Variants in DENND1A observed in about 807,000 individuals in gnomAD.
DENND1A encodes DENN domain-containing protein 1A.
A neutral mutation model predicts 113.7 loss-of-function variants in DENND1A; 51 were observed. The observed-to-expected ratio is 0.45, with a 90% CI of 0.36 to 0.57. The LOEUF is 0.57. Ranked by LOEUF, DENND1A falls within the 20% of genes least tolerant of loss-of-function variation. DENND1A has a pLI of 0.00. For missense variants in DENND1A, 1,258 were observed against 1,395.9 expected, an observed-to-expected ratio of 0.90 and a Z score of 1.57; for synonymous variants, 565 against 570.8, an observed-to-expected ratio of 0.99 and a Z score of 0.14.
At chr9:123,664,489 T>C (rs1288038414) in intron 8 of DENND1A, among the ~76,000 whole-genome samples, 2 of 151,968 alleles carry the variant, frequency 1.3e-5, no homozygotes, top group Non-Finnish European at 2.9e-5. Context: ...TTTCTAGTTT[T>C]GGTTATTTAT....
intron 12 of DENND1A, among the ~76,000 whole-genome samples, chr9:123,576,957 G>C (rs1165078551): frequency 6.6e-6 from 1 of 151,722 alleles, no homozygotes; most frequent in Non-Finnish European, 1.5e-5. Context: ...TCTTTGTGTG[G>C]TTTTGTTTGG....
At chr9:123,743,376 G>C (rs948692276) in intron 5 of DENND1A, among the ~76,000 whole-genome samples, 1 of 151,784 alleles carries the variant, frequency 6.6e-6, no homozygotes, top group Non-Finnish European at 1.5e-5. Context: ...ACTCCAGCCT[G>C]AGCGATGGAG....
intron 2 of DENND1A, among the ~76,000 whole-genome samples, chr9:123,843,882 T>C (rs144843779): frequency 6.6e-6 from 1 of 152,276 alleles, no homozygotes; most frequent in Non-Finnish European, 1.5e-5. Flanking sequence ...TACGATAGAA[T>C]TTTTAAAAAC....
intron 5 of DENND1A, among the ~76,000 whole-genome samples, chr9:123,686,951 A>G (rs1480246039): frequency 6.6e-6 from 1 of 152,190 alleles, no homozygotes; most frequent in Non-Finnish European, 1.5e-5. Context: ...ATTCAATCGC[A>G]AATCTCTCTA....
intron 13 of DENND1A, among the ~76,000 whole-genome samples, chr9:123,546,248 C>T (rs936691009): frequency 2.6e-5 from 4 of 152,018 alleles, no homozygotes; most frequent in African/African-American, 7.3e-5. Context: ...GCAGCTGATA[C>T]GTTTTAAAAC....
intron 10 of DENND1A, among the ~76,000 whole-genome samples, chr9:123,614,096 A>T (rs997798333): frequency 1.3e-5 from 2 of 152,212 alleles, no homozygotes; most frequent in Non-Finnish European, 2.9e-5. Context: ...ATAATGCTCA[A>T]GGGAACTCTG....
At chr9:123,724,309 A>G (rs980980395) in intron 5 of DENND1A, among the ~76,000 whole-genome samples, 2 of 152,184 alleles carry the variant, frequency 1.3e-5, no homozygotes, top group African/African-American at 2.4e-5. Context: ...ATCAGCTTCT[A>G]AAACCACACA....
At chr9:123,428,670 A>G (rs1356274234) in intron 19 of DENND1A, among the ~76,000 whole-genome samples, 1 of 152,364 alleles carries the variant, frequency 6.6e-6, no homozygotes, top group East Asian at 1.9e-4. Context: ...CTCAGCCCAA[A>G]AGCTTCTTAA....
rs147867311 is a variant in DENND1A, at chr9:123,675,672, C to T, written c.372+1048G>A. Reference sequence around the variant, plus strand: ...CAACTCATTAATAATCAAAGAAATGCAATTAAAACAATGAGACTTTTTTAC... The same window carrying T: ...CAACTCATTAATAATCAAAGAAATGTAATTAAAACAATGAGACTTTTTTAC... On this transcript the variant is annotated intron_variant, in intron 6 of 23. Coordinates refer to ENST00000394215, the MANE Select transcript of DENND1A (RefSeq NM_001352964.2). Among the ~76,000 whole-genome samples, 395 of 152,206 alleles carry T rather than the reference C, an allele frequency of 2.6e-3. 3 individuals are homozygous for T. The highest frequency in any genetic ancestry group is 4.4e-3 in the Non-Finnish European group (299 of 68,006).
chr9:123,671,057 T>C (rs1343237692), intron 7 of DENND1A, among the ~76,000 whole-genome samples: 2 of 152,164 alleles, frequency 1.3e-5, no homozygotes, highest in Admixed American at 1.3e-4. Context: ...GGTGATGGGA[T>C]GATGGCCACA....
intron 12 of DENND1A, among the ~76,000 whole-genome samples, chr9:123,561,555 G>A (rs2057756974): frequency 6.6e-6 from 1 of 152,152 alleles, no homozygotes; most frequent in South Asian, 2.1e-4. Flanking sequence ...ACAATTTCAG[G>A]TTTAAACAAC....
chr9:123,755,081 A>C (rs947940372), intron 5 of DENND1A, among the ~76,000 whole-genome samples: 3 of 151,974 alleles, frequency 2.0e-5, no homozygotes, highest in African/African-American at 7.3e-5. Flanking sequence ...TTCACCTTGG[A>C]CAACACAGGC....
At chr9:123,728,716 T>C (rs1373057580) in intron 5 of DENND1A, among the ~76,000 whole-genome samples, 1 of 152,122 alleles carries the variant, frequency 6.6e-6, no homozygotes, top group African/African-American at 2.4e-5. Context: ...TTTGAAGAAT[T>C]ACTATGATGC....
chr9:123,409,606 G>A (rs2044146466), intron 20 of DENND1A, among the ~76,000 whole-genome samples: 1 of 151,806 alleles, frequency 6.6e-6, no homozygotes, highest in South Asian at 2.1e-4. Flanking sequence ...GAGGAACCTG[G>A]GTTAAGTTAC....
At chr9:123,594,588 T>C (rs1192880269) in intron 11 of DENND1A, among the ~76,000 whole-genome samples, 2 of 151,596 alleles carry the variant, frequency 1.3e-5, no homozygotes, top group East Asian at 3.9e-4. Flanking sequence ...AGCCCTTAAG[T>C]ATTTTGATGC....
In DENND1A at chr9:123,494,140, G is replaced by A. The variant is rs117032918; in HGVS notation, c.994-36243C>T. Among the ~76,000 whole-genome samples the A allele has an allele frequency of 1.6e-3, 242 of 152,290 alleles. 1 individual carries two copies. The highest frequency in any genetic ancestry group is 2.7e-3 in the Non-Finnish European group (182 of 68,030). ...AATGACAGCTGCTTCACTGTCAGGC[G>A]TTTTCATGTCACCTTGTACTGCTGG... is the stretch of plus-strand genomic sequence containing the variant. On this transcript the variant is annotated intron_variant, in intron 13 of 23. Coordinates refer to ENST00000394215, the MANE Select transcript of DENND1A (RefSeq NM_001352964.2).
intron 11 of DENND1A, among the ~76,000 whole-genome samples, chr9:123,607,429 AG>A (rs369425267): frequency 6.9e-6 from 1 of 145,240 alleles, no homozygotes; most frequent in Non-Finnish European, 1.5e-5. Flanking sequence ...CACAGGGACC[AG>A]GAACAGTGGA....
intron 15 of DENND1A, among the ~76,000 whole-genome samples, chr9:123,456,463 T>A (rs2048133122): frequency 6.6e-6 from 1 of 152,166 alleles, no homozygotes; most frequent in Non-Finnish European, 1.5e-5. Context: ...GACAAGACCT[T>A]CAGTTCTTCA....
intron 5 of DENND1A, among the ~76,000 whole-genome samples, chr9:123,712,212 T>C (rs2066682776): frequency 6.6e-6 from 1 of 152,240 alleles, no homozygotes; most frequent in Non-Finnish European, 1.5e-5. Context: ...CTCAAATCTT[T>C]AATCTTCATA....
Sources: allele counts gnomAD v4.1 joint callset (sites outside exome capture counted in the v4.1 genomes callset), GRCh38; gene constraint gnomAD v4.1.1; transcripts MANE v1.5; gene names NCBI Gene and HGNC (gene_info 2026-07-23, HGNC 2026-07-21).